LIN7C: variants seen among roughly 807,000 people sequenced by gnomAD.
The protein encoded by LIN7C is lin-7 cell polarity scaffold C, also known as protein lin-7 homolog C.
In LIN7C, 17 loss-of-function variants were observed where a neutral mutation model predicts 24.7. The observed-to-expected ratio is 0.69, with a 90% CI of 0.47 to 1.03. LIN7C has a LOEUF of 1.03. Ranked by LOEUF, LIN7C falls within the 50% of genes least tolerant of loss-of-function variation. The probability of loss-of-function intolerance (pLI) is 0.00; values close to 1 mark genes in which losing one functional copy is unlikely to be tolerated. For missense variants in LIN7C, 204 were observed against 239.0 expected (o/e 0.85, Z 0.97); for synonymous variants, 90 against 83.4 (o/e 1.08, Z -0.43).
At position 27,495,935 on chromosome 11, in the gene LIN7C, C is replaced by A. The variant is rs1865163892; in HGVS notation, c.*2714G>T. The A allele has an allele frequency of 6.6e-6, 1 of 151,308 alleles. No homozygotes were observed. Among genetic ancestry groups the A allele is most frequent in the Non-Finnish European group, 1.5e-5 (1 of 67,922 alleles). The allele number at this position is 151,308 out of a possible 1,614,324, so 9.4% of individuals were successfully genotyped here. A position where few individuals can be genotyped will look rare whatever the true frequency, so the allele number is the denominator to read the frequency against. On this transcript the variant is annotated 3_prime_UTR_variant, in exon 5 of 5. Transcript: ENST00000278193. ...TGAGCTATGATCACACCACTGTGTTCCAGCCTGGGAGACAAAGCAAGATCC... is the reference window on the plus strand; with the variant it reads ...TGAGCTATGATCACACCACTGTGTTACAGCCTGGGAGACAAAGCAAGATCC...
chr11:27,498,581 CAT>C lies in LIN7C; in HGVS notation c.*66_*67del. On this transcript the variant is annotated 3_prime_UTR_variant, in exon 5 of 5. Coordinates refer to ENST00000278193, the MANE Select transcript of LIN7C (RefSeq NM_018362.4). ...TTCTTACAATCATTGGCATTGCAGC[CAT>C]TAGTAAGTCACAAGGAAAACTTCTC... 7.2e-7 allele frequency: 1 copy of C among 1,390,166 alleles called. No individual in the cohort carries two copies. The highest frequency in any genetic ancestry group is 1.3e-5 in the South Asian group (1 of 78,354). 86.1% of individuals were successfully genotyped at this position (1,390,166 alleles called of 1,614,324 possible).
intron 2 of LIN7C, 50 bp downstream of exon 2, chr11:27,501,752 T>G (rs770404740): frequency 2.5e-6 from 3 of 1,182,786 alleles, no homozygotes; most frequent in African/African-American, 1.5e-5. Context: ...TAGAGTATTA[T>G]CTGACCTAAT....
In LIN7C at chr11:27,501,508, T is replaced by C; in HGVS notation, c.215A>G (p.Asn72Ser). The change falls in exon 3 of 5, where the codon AAC (asparagine) becomes AGC (serine). Residue 72 changes from asparagine (N) to serine (S), a missense_variant. This residue lies in a region of LIN7C where 126 missense variants were observed against 117.8 expected (regional missense o/e 1.07). Transcript: ENST00000278193. Reference sequence around the variant, plus strand: ...AAAAAAATTTACCTTTGCAGTAGCGTTCGCTCTCACTTCAGGACTGCTACT... The same window carrying C: ...AAAAAAATTTACCTTTGCAGTAGCGCTCGCTCTCACTTCAGGACTGCTACT... The part of the protein sequence containing the change: ...DISSSPEVRA[N>S]ATAKATVAAF... The C allele has an allele frequency of 6.3e-7, 1 of 1,591,546 alleles. No homozygotes were observed. Among genetic ancestry groups the C allele is most frequent in the Non-Finnish European group, 8.5e-7 (1 of 1,171,856 alleles).
At position 27,506,707 on chromosome 11, in the gene LIN7C, T is replaced by G. The variant is rs1332567229; in HGVS notation, c.37+9A>C. ...CCGCCCACCTCCGCCGAGCCTCGGC[T>G]GCACTCACCTCTCTCCAGCCGCACG... is the stretch of plus-strand genomic sequence containing the variant. On this transcript the variant is annotated intron_variant, in intron 1 of 4. Transcript: ENST00000278193. 6.2e-7 allele frequency: 1 copy of G among 1,613,818 alleles called. No homozygotes were observed. Among genetic ancestry groups the G allele is most frequent in the African/African-American group, 1.3e-5 (1 of 74,910 alleles).
At chr11:27,505,813 C>T (rs1306712959) in intron 1 of LIN7C, among the ~76,000 whole-genome samples, 1 of 152,104 alleles carries the variant, frequency 6.6e-6, no homozygotes, top group Non-Finnish European at 1.5e-5. Flanking sequence ...ATTTGTACTT[C>T]TCAATTCCTA....
At chr11:27,505,839 G>A (rs563980922) in intron 1 of LIN7C, among the ~76,000 whole-genome samples, 1 of 152,176 alleles carries the variant, frequency 6.6e-6, no homozygotes, top group African/African-American at 2.4e-5. Flanking sequence ...GATTTCTAAT[G>A]CTGGTGTATG....
intron 1 of LIN7C, 87 bp downstream of exon 1, chr11:27,506,627 CAG>C (rs1478838059): frequency 1.4e-6 from 2 of 1,471,940 alleles, no homozygotes; most frequent in African/African-American, 2.8e-5. Context: ...GCCCGGATCT[CAG>C]AGCCTGGGTC....
intron 1 of LIN7C, among the ~76,000 whole-genome samples, chr11:27,502,424 T>A (rs1449988812): frequency 1.3e-5 from 2 of 152,156 alleles, no homozygotes; most frequent in African/African-American, 4.8e-5. Context: ...CATAGGTAGA[T>A]AACCACTCGA....
At chr11:27,499,217 G>C (rs1341087246) in intron 4 of LIN7C, 142 bp downstream of exon 4, 2 of 642,106 alleles carry the variant, frequency 3.1e-6, no homozygotes, top group Non-Finnish European at 5.4e-6. Flanking sequence ...TTAAAAAAAA[G>C]GATCACTGTA....
Position 27,501,783 on chromosome 11 carries a change from T to G in LIN7C, c.156+19A>C. 1 of 1,497,380 alleles carries G rather than the reference T, an allele frequency of 6.7e-7. No homozygotes were observed. Among genetic ancestry groups the G allele is most frequent in the Non-Finnish European group, 9.2e-7 (1 of 1,083,806 alleles). 92.8% of individuals were successfully genotyped at this position (1,497,380 alleles called of 1,614,324 possible). A position where few individuals can be genotyped will look rare whatever the true frequency, so the allele number is the denominator to read the frequency against. ...CTAATTAACTCAAATTTTTGTAAAT[T>G]TTAATGATGTTTACTCACCTCTCTC... On this transcript the variant is annotated intron_variant, in intron 2 of 4. Coordinates refer to ENST00000278193, the MANE Select transcript of LIN7C (RefSeq NM_018362.4).
At position 27,506,727 on chromosome 11, in the gene LIN7C, C is replaced by T. The variant is rs2133495374; in HGVS notation, c.26G>A (p.Arg9Gln). MAALGEPVRLERDICRAIE... is the reference protein window; with the variant it reads MAALGEPVQLERDICRAIE... Reference sequence around the variant, plus strand: ...TCGGCTGCACTCACCTCTCTCCAGCCGCACGGGTTCCCCTAGCGCCGCCAT... The same window carrying T: ...TCGGCTGCACTCACCTCTCTCCAGCTGCACGGGTTCCCCTAGCGCCGCCAT... Residue 9 changes from arginine (R) to glutamine (Q), a missense_variant, in exon 1 of 5, where the codon CGG becomes CAG. Physicochemically the swap from Arg to Gln is conservative, Grantham distance 43. Coordinates refer to ENST00000278193, the MANE Select transcript of LIN7C (RefSeq NM_018362.4). The T allele has an allele frequency of 2.5e-6, 4 of 1,614,130 alleles. No homozygotes were observed. Among genetic ancestry groups the T allele is most frequent in the Non-Finnish European group, 3.4e-6 (4 of 1,180,024 alleles).
In LIN7C at chr11:27,499,387, C is replaced by A. The variant is rs1205620908; in HGVS notation, c.410G>T (p.Gly137Val). 1 of 1,614,082 alleles carries A rather than the reference C, an allele frequency of 6.2e-7. No individual in the cohort carries two copies. The highest frequency in any genetic ancestry group is 8.5e-7 in the Non-Finnish European group (1 of 1,179,972). The change falls in exon 4 of 5, where the codon GGA (glycine) becomes GTA (valine). Residue 137 changes from glycine (G) to valine (V), a missense_variant. Transcript: ENST00000278193. ...IADRHGGLKRGDQLLSVNGVS... is the reference protein window; with the variant it reads ...IADRHGGLKRVDQLLSVNGVS... ...TCCATTAACAGAGAGGAGTTGATCTCCACGTTTGAGGCCCCCATGTCTATC... is the reference window on the plus strand; with the variant it reads ...TCCATTAACAGAGAGGAGTTGATCTACACGTTTGAGGCCCCCATGTCTATC...
At chr11:27,501,154 T>C (rs1047899713) in intron 3 of LIN7C, among the ~76,000 whole-genome samples, 1 of 152,154 alleles carries the variant, frequency 6.6e-6, no homozygotes, top group African/African-American at 2.4e-5. Flanking sequence ...ATTCATATCT[T>C]AAAATTCTGA....
chr11:27,500,573 G>T (rs1865214692), intron 3 of LIN7C, among the ~76,000 whole-genome samples: 1 of 152,046 alleles, frequency 6.6e-6, no homozygotes, highest in African/African-American at 2.4e-5. Flanking sequence ...TGCTTTAAAG[G>T]GTAATTATCT....
intron 2 of LIN7C, 110 bp from the exon 3 acceptor site, chr11:27,501,676 CA>C: frequency 1.3e-6 from 1 of 747,352 alleles, no homozygotes. Context: ...TCAGAAATTC[CA>C]AAAATGAGAG....
chr11:27,505,128 T>C (rs1171175091), intron 1 of LIN7C, among the ~76,000 whole-genome samples: 1 of 151,690 alleles, frequency 6.6e-6, no homozygotes, highest in Non-Finnish European at 1.5e-5. Context: ...AGCTCAAGAG[T>C]TCGAGACCAG....
In LIN7C at chr11:27,498,076, T is replaced by A. The variant is rs1865187904; in HGVS notation, c.*573A>T. 1 of 152,312 alleles carries A rather than the reference T, an allele frequency of 6.6e-6. No individual in the cohort carries two copies. The highest frequency in any genetic ancestry group is 2.4e-5 in the African/African-American group (1 of 41,464). The allele number at this position is 152,312 out of a possible 1,614,324, so 9.4% of individuals were successfully genotyped here. A position where few individuals can be genotyped will look rare whatever the true frequency, so the allele number is the denominator to read the frequency against. The stretch of plus-strand genomic sequence containing the variant: ...AAAAGTGAAAAAACTTGCACTGTAC[T>A]GAGTCATGATTTACCACTGGTTATA... On this transcript the variant is annotated 3_prime_UTR_variant, in exon 5 of 5. Transcript: ENST00000278193.
At position 27,506,718 on chromosome 11, in the gene LIN7C, C is replaced by T; in HGVS notation, c.35G>A (p.Arg12Lys). 1 of 1,614,092 alleles carries T rather than the reference C, an allele frequency of 6.2e-7. No homozygotes were observed. Among genetic ancestry groups the T allele is most frequent in the Non-Finnish European group, 8.5e-7 (1 of 1,180,024 alleles). Residue 12 changes from arginine (R) to lysine (K), a missense_variant and splice_region_variant, in exon 1 of 5, where the codon AGA (arginine) becomes AAA (lysine). Transcript: ENST00000278193. ...CGCCGAGCCTCGGCTGCACTCACCT[C>T]TCTCCAGCCGCACGGGTTCCCCTAG... Reference protein sequence around the residue: ...AALGEPVRLERDICRAIELLE... With the variant: ...AALGEPVRLEKDICRAIELLE...
chr11:27,505,986 T>C (rs1865284350), intron 1 of LIN7C, among the ~76,000 whole-genome samples: 1 of 152,250 alleles, frequency 6.6e-6, no homozygotes, highest in Non-Finnish European at 1.5e-5. Context: ...TAGGCTTCTC[T>C]ATCTCTAATT....
Sources: gnomAD v4.1 joint callset for allele counts (sites outside exome capture counted in the v4.1 genomes callset) on GRCh38, gnomAD v4.1.1 for gene constraint, gnomAD v4.1.1 regional missense constraint, MANE v1.5 for transcripts, NCBI Gene and HGNC (gene_info 2026-07-23, HGNC 2026-07-21) for gene names.